Variants in GDPD1 observed in about 807,000 individuals in gnomAD.
GDPD1 encodes the protein lysophospholipase D GDPD1.
Under a neutral mutation model 45.1 loss-of-function variants are expected in GDPD1, and 28 were observed. The ratio of observed to expected loss-of-function variants is 0.62; its 90% CI spans 0.46 to 0.85. GDPD1 has a LOEUF of 0.85. Ranked by LOEUF, GDPD1 falls within the 40% of genes least tolerant of loss-of-function variation. The pLI, the probability that GDPD1 is intolerant of heterozygous loss-of-function variation, is 0.00. For synonymous variants in GDPD1, 139 were observed against 131.4 expected, an observed-to-expected ratio of 1.06 and a Z score of -0.40; for missense variants, 256 against 364.8, an observed-to-expected ratio of 0.70 and a Z score of 2.43.
Position 59,261,913 on chromosome 17 carries a change from C to CTTTTTTTTTTTTTT in GDPD1, c.576+4082_576+4095dup, listed in dbSNP as rs58058526. Among the ~76,000 whole-genome samples the CTTTTTTTTTTTTTT allele has an allele frequency of 2.9e-4, 23 of 79,334 alleles. 2 individuals are homozygous for CTTTTTTTTTTTTTT. Among genetic ancestry groups the CTTTTTTTTTTTTTT allele is most frequent in the African/African-American group, 7.6e-4 (12 of 15,696 alleles). 52.0% of individuals were successfully genotyped at this position (79,334 alleles called of 152,430 possible). On this transcript the variant is annotated intron_variant, in intron 6 of 9. Transcript: ENST00000284116. ...TTTCCCAAAGTGCTGAGATTACAGG[C>CTTTTTTTTTTTTTT]TTTTTTTTTTTTTTTTTTTTTTGAG...
intron 4 of GDPD1, among the ~76,000 whole-genome samples, chr17:59,255,839 A>ATATATATACACACACG (rs2047301544): frequency 2.2e-5 from 2 of 92,182 alleles, no homozygotes; most frequent in African/African-American, 1.4e-4. Flanking sequence ...GCGTATATAT[A>ATATATATACACACACG]TATATATATA....
At chr17:59,231,539 G>T (rs1241381822) in intron 1 of GDPD1, among the ~76,000 whole-genome samples, 1 of 151,650 alleles carries the variant, frequency 6.6e-6, no homozygotes, top group Non-Finnish European at 1.5e-5. Flanking sequence ...TGTTAGCCAG[G>T]ATGGTCTCAA....
chr17:59,255,870 TATATAC>T (rs141748175), intron 4 of GDPD1, among the ~76,000 whole-genome samples: 28,626 of 91,842 alleles, frequency 0.31, 7,272 homozygotes, highest in African/African-American at 0.51. Flanking sequence ...TATATATATA[TATATAC>T]ACACACACAC....
chr17:59,254,759 G>A (rs1664581430), intron 4 of GDPD1, among the ~76,000 whole-genome samples: 1 of 152,110 alleles, frequency 6.6e-6, no homozygotes, highest in African/African-American at 2.4e-5. Flanking sequence ...GCAGTAATTG[G>A]TCTCTCTCTA....
intron 3 of GDPD1, among the ~76,000 whole-genome samples, chr17:59,248,318 A>G (rs1056760612): frequency 6.6e-6 from 1 of 151,868 alleles, no homozygotes; most frequent in African/African-American, 2.4e-5. Context: ...ATAAAATAAA[A>G]TAAAATAAAA....
At chr17:59,258,504 C>G (rs1488819721) in intron 6 of GDPD1, among the ~76,000 whole-genome samples, 1 of 152,000 alleles carries the variant, frequency 6.6e-6, no homozygotes, top group Non-Finnish European at 1.5e-5. Context: ...GATCATGCCA[C>G]TGCACTCCAG....
rs1397401159 is a variant in GDPD1, at chr17:59,220,521, C to T, written c.-89C>T. ...GCACCGGCTGGGGGCGAGCCGACCT[C>T]GAGCAGCCGCCGCCGCCGCCGTCGT... On this transcript the variant is annotated 5_prime_UTR_variant, in exon 1 of 10. Coordinates refer to ENST00000284116, the MANE Select transcript of GDPD1 (RefSeq NM_182569.4). The T allele has an allele frequency of 2.4e-5, 35 of 1,459,156 alleles. No individual in the cohort carries two copies. The highest frequency in any genetic ancestry group is 3.0e-5 in the Non-Finnish European group (32 of 1,068,620). The allele number at this position is 1,459,156 out of a possible 1,614,324, so 90.4% of individuals were successfully genotyped here.
intron 7 of GDPD1, among the ~76,000 whole-genome samples, chr17:59,269,834 A>G (rs2047431422): frequency 6.6e-6 from 1 of 152,174 alleles, no homozygotes; most frequent in Admixed American, 6.5e-5. Context: ...AAATAAATAA[A>G]TAAAACATTT....
At chr17:59,249,482 G>A (rs1268696104) in intron 4 of GDPD1, among the ~76,000 whole-genome samples, 2 of 152,014 alleles carry the variant, frequency 1.3e-5, no homozygotes, top group Non-Finnish European at 2.9e-5. Flanking sequence ...ATCCTTTCTG[G>A]TTCCATAATA....
At chr17:59,269,484 CCCA>C (rs1384489145) in intron 7 of GDPD1, among the ~76,000 whole-genome samples, 2 of 147,338 alleles carry the variant, frequency 1.4e-5, no homozygotes, top group African/African-American at 5.0e-5. Context: ...TACCCCCCCC[CCCA>C]AAAAACACCC....
rs942416287 is a variant in GDPD1, at chr17:59,230,370, A to ATTTTT, written c.143-4096_143-4092dup. On this transcript the variant is annotated intron_variant, in intron 1 of 9. Coordinates refer to ENST00000284116, the MANE Select transcript of GDPD1 (RefSeq NM_182569.4). ...GAATATTGAACAGGCCAGTTGTAGA[A>ATTTTT]TTTTTTTTTTTTTTTTTTTTTTTTT... 5.2e-4 allele frequency among the ~76,000 whole-genome samples: 42 copies of ATTTTT among 80,074 alleles called. 9 individuals are homozygous for ATTTTT. Among genetic ancestry groups the ATTTTT allele is most frequent in the African/African-American group, 2.3e-3 (34 of 14,828 alleles). 52.5% of individuals were successfully genotyped at this position (80,074 alleles called of 152,430 possible).
intron 6 of GDPD1, among the ~76,000 whole-genome samples, chr17:59,262,734 T>A (rs2047367402): frequency 6.6e-6 from 1 of 151,908 alleles, no homozygotes; most frequent in Non-Finnish European, 1.5e-5. Context: ...TTCAAGCGAT[T>A]TTCCCGCTTC....
Position 59,257,152 on chromosome 17 carries a change from T to G in GDPD1, c.398T>G (p.Ile133Ser). The change falls in exon 5 of 10, where the codon ATT becomes AGT. Residue 133 changes from isoleucine to serine, a missense_variant. Physicochemically the swap from Ile to Ser is moderately radical, Grantham distance 142. Transcript: ENST00000284116. The stretch of plus-strand genomic sequence containing the variant: ...CAGTGTGAAGGAAAAGATAACCGAA[T>G]TCCATTACTGAAGGAAGTTTTTGAG... ...ACQCEGKDNR[I>S]PLLKEVFEAF... is the part of the protein sequence containing the mutation. 1 of 1,602,544 alleles carries G rather than the reference T, an allele frequency of 6.2e-7. No homozygotes were observed. The highest frequency in any genetic ancestry group is 8.5e-7 in the Non-Finnish European group (1 of 1,173,734).
intron 4 of GDPD1, among the ~76,000 whole-genome samples, chr17:59,253,709 G>A (rs1375219490): frequency 6.6e-6 from 1 of 151,966 alleles, no homozygotes; most frequent in Non-Finnish European, 1.5e-5. Context: ...TGCCCACACC[G>A]TGACAAAAAG....
chr17:59,267,230 T>A, intron 7 of GDPD1, 56 bp downstream of exon 7: 4 of 1,488,378 alleles, frequency 2.7e-6, no homozygotes, highest in Non-Finnish European at 3.7e-6. Flanking sequence ...AAGACTAAGA[T>A]AAAAGCTCAC....
rs149536097 is a variant in GDPD1, at chr17:59,222,505, C to CTTTTTTTTTTTTTTTTTTTTT, written c.142+1760_142+1780dup. Among the ~76,000 whole-genome samples the CTTTTTTTTTTTTTTTTTTTTT allele has an allele frequency of 1.0e-3, 42 of 41,738 alleles. 11 individuals are homozygous for CTTTTTTTTTTTTTTTTTTTTT. Among genetic ancestry groups the CTTTTTTTTTTTTTTTTTTTTT allele is most frequent in the Admixed American group, 1.3e-3 (4 of 2,982 alleles). The allele number at this position is 41,738 out of a possible 152,430, so 27.4% of individuals were successfully genotyped here. On this transcript the variant is annotated intron_variant, in intron 1 of 9. Coordinates refer to ENST00000284116, the MANE Select transcript of GDPD1 (RefSeq NM_182569.4). The stretch of plus-strand genomic sequence containing the variant: ...ACAGGCGTGAGCCACAGTGCCCAGC[C>CTTTTTTTTTTTTTTTTTTTTT]TTTTTTTTTTTTTTTTTTTTTTTTT...
intron 6 of GDPD1, among the ~76,000 whole-genome samples, chr17:59,260,419 G>A (rs1338840002): frequency 2.6e-5 from 4 of 151,992 alleles, no homozygotes; most frequent in Non-Finnish European, 5.9e-5. Flanking sequence ...GTGCGCACCT[G>A]TAATCCCAGC....
intron 1 of GDPD1, among the ~76,000 whole-genome samples, chr17:59,226,869 C>T (rs972282362): frequency 1.5e-4 from 23 of 150,918 alleles, no homozygotes; most frequent in African/African-American, 5.6e-4. Flanking sequence ...TTAGTAGAGA[C>T]GGGGTTTCAC....
At chr17:59,233,896 A>C (rs1411912378) in intron 1 of GDPD1, among the ~76,000 whole-genome samples, 1 of 152,164 alleles carries the variant, frequency 6.6e-6, no homozygotes, top group African/African-American at 2.4e-5. Flanking sequence ...GTGTAAAATT[A>C]TCTTCAAGCT....
Sources: allele counts gnomAD v4.1 joint callset (sites outside exome capture counted in the v4.1 genomes callset), GRCh38; gene constraint gnomAD v4.1.1; transcripts MANE v1.5; gene names NCBI Gene and HGNC (gene_info 2026-07-23, HGNC 2026-07-21).